Variants in TTF2 observed in about 807,000 individuals in gnomAD.
TTF2 encodes transcription termination factor 2.
In TTF2, 108 loss-of-function variants were observed where a neutral mutation model predicts 142.4. That is an observed-to-expected ratio of 0.76 (90% CI 0.65 to 0.89). The LOEUF (loss-of-function observed/expected upper bound fraction) is 0.89. TTF2 is among the 40% of genes least tolerant of loss of function. TTF2 has a pLI of 0.00. For missense variants in TTF2, 1,327 were observed against 1,379.8 expected, an observed-to-expected ratio of 0.96 and a Z score of 0.61; for synonymous variants, 483 against 506.2, an observed-to-expected ratio of 0.95 and a Z score of 0.61.
At chr1:117,089,109 A>G in intron 13 of TTF2, 127 bp downstream of exon 13, 1 of 949,434 alleles carries the variant, frequency 1.1e-6, no homozygotes, top group Non-Finnish European at 1.5e-6. Flanking sequence ...AGGCCTGTCA[A>G]CCTTTAAAGG....
At position 117,063,429 on chromosome 1, in the gene TTF2, G is replaced by A. The variant is rs936729136; in HGVS notation, c.218+956G>A. Among the ~76,000 whole-genome samples the A allele has an allele frequency of 2.6e-5, 4 of 152,084 alleles. No individual in the cohort carries two copies. The highest frequency in any genetic ancestry group is 6.6e-5 in the Admixed American group (1 of 15,262). ...ATCTCCACCCCTGTCAGCAATCACT[G>A]TTCTGATTTTTATCTCTTTAGATGT... On this transcript the variant is annotated intron_variant, in intron 3 of 22. Transcript: ENST00000369466. This position sits in a 1 kb window ranked among gnomAD's most constrained non-coding sequence, Gnocchi z 4.1.
In TTF2 at chr1:117,100,341, T is replaced by G. The variant is rs1204657944; in HGVS notation, c.3345-1039T>G. On this transcript the variant is annotated intron_variant, in intron 22 of 22. Transcript: ENST00000369466. This position sits in a 1 kb window ranked among gnomAD's most constrained non-coding sequence, Gnocchi z 4.6. ...TTTTCTAAATGTTTCTGATAACCAT[T>G]TCTTCCTTCCCATGCCCACTGCCAG... Among the ~76,000 whole-genome samples, 1 of 152,214 alleles carries G rather than the reference T, an allele frequency of 6.6e-6. No homozygotes were observed. The highest frequency in any genetic ancestry group is 1.5e-5 in the Non-Finnish European group (1 of 68,040).
intron 10 of TTF2, among the ~76,000 whole-genome samples, chr1:117,083,514 C>T (rs1237917237): frequency 1.3e-5 from 2 of 152,158 alleles, no homozygotes; most frequent in Non-Finnish European, 2.9e-5. Context: ...AACAATACTC[C>T]ATACGCCTCT....
intron 7 of TTF2, among the ~76,000 whole-genome samples, chr1:117,077,461 C>A (rs1657106306): frequency 6.6e-6 from 1 of 152,168 alleles, no homozygotes; most frequent in Non-Finnish European, 1.5e-5. Flanking sequence ...ATGAGGTAGG[C>A]AGACCTGCAG....
In TTF2 at chr1:117,076,208, C is replaced by T. The variant is rs754032953; in HGVS notation, c.1304C>T (p.Ala435Val). 2 of 1,613,950 alleles carry T rather than the reference C, an allele frequency of 1.2e-6. No individual in the cohort carries two copies. Among genetic ancestry groups the T allele is most frequent in the South Asian group, 2.2e-5 (2 of 91,076 alleles). The change falls in exon 6 of 23, where the codon GCT becomes GTT. Residue 435 changes from alanine (A) to valine (V), a missense_variant. Coordinates refer to ENST00000369466, the MANE Select transcript of TTF2 (RefSeq NM_003594.4). This position sits in a 1 kb window ranked among gnomAD's most constrained non-coding sequence, Gnocchi z 4.6. ...ACACTGGCATCAGTGAACATCCAGG[C>T]TCTTCCAGACAAGGGTCAGAAGTTG... ...KSTLASVNIQALPDKGQKLIK... is the reference protein window; with the variant it reads ...KSTLASVNIQVLPDKGQKLIK...
rs932023199 is a variant in TTF2, at chr1:117,079,826, CAGTTTAGGAT to C, written c.1783+178_1783+187del. Among the ~76,000 whole-genome samples, 1 of 152,170 alleles carries C rather than the reference CAGTTTAGGAT, an allele frequency of 6.6e-6. No individual in the cohort carries two copies. The highest frequency in any genetic ancestry group is 2.4e-5 in the African/African-American group (1 of 41,438). On this transcript the variant is annotated intron_variant, in intron 9 of 22. Transcript: ENST00000369466. The surrounding 1 kb of genome is among the most constrained non-coding windows in gnomAD (Gnocchi z 4.2). ...GTTAAGCAACTTGCTCAAGAATACACAGTTTAGGATCAAAGATGTTGGTTGCCAGCAGTAG... is the reference window on the plus strand; with the variant it reads ...GTTAAGCAACTTGCTCAAGAATACACCAAAGATGTTGGTTGCCAGCAGTAG...
rs1271058518 is a variant in TTF2, at chr1:117,097,211, A to G, written c.3187-140A>G. ...GGGAGATAGCATTATAATGTTAAAA[A>G]AAAAAACAATTTATAACAGCAGAAG... On this transcript the variant is annotated intron_variant, in intron 20 of 22. Coordinates refer to ENST00000369466, the MANE Select transcript of TTF2 (RefSeq NM_003594.4). This position sits in a 1 kb window ranked among gnomAD's most constrained non-coding sequence, Gnocchi z 4.1. The G allele has an allele frequency of 9.4e-6, 7 of 740,836 alleles. No homozygotes were observed. In the African/African-American group the frequency reaches 1.2e-4, roughly 13 times the overall value. The allele number at this position is 740,836 out of a possible 1,614,324, so 45.9% of individuals were successfully genotyped here.
At position 117,076,149 on chromosome 1, in the gene TTF2, A is replaced by G. The variant is rs1656990991; in HGVS notation, c.1276-31A>G. The G allele has an allele frequency of 1.3e-6, 2 of 1,585,026 alleles. No individual in the cohort carries two copies. The highest frequency in any genetic ancestry group is 1.7e-6 in the Non-Finnish European group (2 of 1,154,686). On this transcript the variant is annotated intron_variant, in intron 5 of 22. Coordinates refer to ENST00000369466, the MANE Select transcript of TTF2 (RefSeq NM_003594.4). The surrounding 1 kb of genome is among the most constrained non-coding windows in gnomAD (Gnocchi z 4.6). ...ACTATTCATCTAACAGTGTGAGAGG[A>G]GAGATCCATTTGATGGAATCTGTTT...
chr1:117,083,912 G>C, intron 10 of TTF2, 106 bp from the exon 11 acceptor site: 1 of 1,380,062 alleles, frequency 7.2e-7, no homozygotes, highest in Non-Finnish European at 9.9e-7. Context: ...AGGAGTTTGA[G>C]ACAGCCTGGG....
chr1:117,089,259 G>GCT (rs913456908), intron 13 of TTF2, among the ~76,000 whole-genome samples: 4 of 52,082 alleles, frequency 7.7e-5, no homozygotes, highest in African/African-American at 2.1e-4. Context: ...GCAAATATAT[G>GCT]CTATATATAT....
chr1:117,060,623 C>A, intron 2 of TTF2, 66 bp downstream of exon 2: 1 of 1,490,512 alleles, frequency 6.7e-7, no homozygotes, highest in Admixed American at 2.1e-5. Context: ...GCTTCCCGCT[C>A]CCCGCTGTCG....
intron 3 of TTF2, among the ~76,000 whole-genome samples, chr1:117,071,044 A>G (rs139136906): frequency 2.6e-5 from 4 of 152,314 alleles, no homozygotes; most frequent in African/African-American, 9.6e-5. Context: ...AATGTTGGTA[A>G]AAATTGCATT....
Position 117,102,568 on chromosome 1 carries a change from C to T in TTF2, c.*1044C>T, listed in dbSNP as rs975130584. On this transcript the variant is annotated 3_prime_UTR_variant, in exon 23 of 23. Transcript: ENST00000369466. ...ATTTGTATCATTTGGTTCATTGTAT[C>T]GTTTAGTATTTCTATTATAACATTT... 3 of 151,962 alleles carry T rather than the reference C, an allele frequency of 2.0e-5. No homozygotes were observed. Among genetic ancestry groups the T allele is most frequent in the East Asian group, 1.9e-4 (1 of 5,186 alleles). 9.4% of individuals were successfully genotyped at this position (151,962 alleles called of 1,614,324 possible).
At chr1:117,069,820 G>C (rs1656439011) in intron 3 of TTF2, among the ~76,000 whole-genome samples, 1 of 152,168 alleles carries the variant, frequency 6.6e-6, no homozygotes, top group South Asian at 2.1e-4. Context: ...GAAAATGGGA[G>C]GATTTGTGTT....
At chr1:117,082,049 A>G (rs1399910736) in intron 10 of TTF2, 102 bp downstream of exon 10, 35 of 1,545,444 alleles carry the variant, frequency 2.3e-5, no homozygotes, top group Non-Finnish European at 3.1e-5. Flanking sequence ...GTCATATTTA[A>G]TTACTCTACT....
Position 117,099,132 on chromosome 1 carries a change from G to A in TTF2, c.3344+225G>A, listed in dbSNP as rs184819691. On this transcript the variant is annotated intron_variant, in intron 22 of 22. Transcript: ENST00000369466. This position sits in a 1 kb window ranked among gnomAD's most constrained non-coding sequence, Gnocchi z 4.3. The stretch of plus-strand genomic sequence containing the variant: ...AAAGAAGAGCAAATTTGTGTATATG[G>A]TGAGGGCAGTCCATGAAAGGATGCT... Among the ~76,000 whole-genome samples the A allele has an allele frequency of 2.2e-4, 34 of 152,132 alleles. No individual in the cohort carries two copies. Among genetic ancestry groups the A allele is most frequent in the African/African-American group, 7.9e-4 (33 of 41,510 alleles).
intron 2 of TTF2, among the ~76,000 whole-genome samples, chr1:117,061,188 G>C (rs1655654948): frequency 6.6e-6 from 1 of 152,118 alleles, no homozygotes; most frequent in African/African-American, 2.4e-5. Context: ...CCAGGGGTTC[G>C]AAACCAGCCT....
chr1:117,068,354 T>C (rs1272310162), intron 3 of TTF2, among the ~76,000 whole-genome samples: 1 of 151,770 alleles, frequency 6.6e-6, no homozygotes, highest in African/African-American at 2.4e-5. Flanking sequence ...TGAGAACACT[T>C]GGACATAGGG....
At chr1:117,077,468 G>A (rs1030702091) in intron 7 of TTF2, among the ~76,000 whole-genome samples, 1 of 152,222 alleles carries the variant, frequency 6.6e-6, no homozygotes. Flanking sequence ...AGGCAGACCT[G>A]CAGATATGCT....
Sources: allele counts gnomAD v4.1 joint callset (sites outside exome capture counted in the v4.1 genomes callset), GRCh38; gene constraint gnomAD v4.1.1; non-coding constraint Gnocchi (gnomAD v3.1); transcripts MANE v1.5; gene names NCBI Gene and HGNC (gene_info 2026-07-23, HGNC 2026-07-21).